KAT6A: variants seen among roughly 807,000 people sequenced by gnomAD.
KAT6A encodes histone acetyltransferase KAT6A.
KAT6A carries 9 observed loss-of-function variants against 198.4 expected under a neutral mutation model. That is an observed-to-expected ratio of 0.05 (90% CI 0.03 to 0.08). The LOEUF is 0.08. Ranked by LOEUF, KAT6A falls within the 10% of genes least tolerant of loss-of-function variation. The probability of loss-of-function intolerance (pLI) is 1.00; values close to 1 mark genes in which losing one functional copy is unlikely to be tolerated. For synonymous variants in KAT6A, 890 were observed against 883.0 expected (o/e 1.01, Z -0.14); for missense variants, 2,077 against 2,509.9 (o/e 0.83, Z 3.69).
At chr8:41,940,014 C>T (rs1822031181) in intron 15 of KAT6A, among the ~76,000 whole-genome samples, 1 of 152,176 alleles carries the variant, frequency 6.6e-6, no homozygotes, top group Admixed American at 6.5e-5. Context: ...AGATATTATT[C>T]TTAAAACAAA....
At chr8:42,036,546 G>A (rs1312078363) in intron 2 of KAT6A, among the ~76,000 whole-genome samples, 1 of 152,170 alleles carries the variant, frequency 6.6e-6, no homozygotes, top group Non-Finnish European at 1.5e-5. Context: ...CCAGGAGATG[G>A]AGGTTGCAGT....
rs1821540815 is a variant in KAT6A, at chr8:41,931,502, GAAC to G, written c.*700_*702del. 4.8e-6 allele frequency: 1 copy of G among 207,314 alleles called. No individual in the cohort carries two copies. Among genetic ancestry groups the G allele is most frequent in the Non-Finnish European group, 9.9e-6 (1 of 101,506 alleles). 12.8% of individuals were successfully genotyped at this position (207,314 alleles called of 1,614,324 possible). ...AAAAATTATATTACACTTGATTCAA[GAAC>G]AACAAAGATTTCAATGAAGTCCGTC... On this transcript the variant is annotated 3_prime_UTR_variant, in exon 17 of 17. Coordinates refer to ENST00000265713, the MANE Select transcript of KAT6A (RefSeq NM_006766.5).
chr8:41,984,195 T>C (rs61015851), intron 3 of KAT6A, among the ~76,000 whole-genome samples: 19,064 of 152,212 alleles, frequency 0.13, 1,531 homozygotes, highest in East Asian at 0.25. Context: ...GTCATACTCT[T>C]ACAACTCCCT....
intron 2 of KAT6A, among the ~76,000 whole-genome samples, chr8:42,002,046 CTCT>C (rs1825520967): frequency 6.6e-6 from 1 of 152,162 alleles, no homozygotes; most frequent in South Asian, 2.1e-4. Context: ...TTGCTTCCTC[CTCT>C]TAATAGCCAG....
intron 2 of KAT6A, among the ~76,000 whole-genome samples, chr8:42,036,009 C>T (rs1411124185): frequency 6.6e-6 from 1 of 152,082 alleles, no homozygotes; most frequent in Non-Finnish European, 1.5e-5. Flanking sequence ...ATGAGCCTTT[C>T]ACACTTCTTT....
intron 2 of KAT6A, among the ~76,000 whole-genome samples, chr8:42,004,176 T>C (rs2150904351): frequency 1.3e-5 from 2 of 152,312 alleles, no homozygotes; most frequent in African/African-American, 4.8e-5. Context: ...CTGGGTCTTA[T>C]GATCTAGTTG....
intron 2 of KAT6A, among the ~76,000 whole-genome samples, chr8:42,030,602 T>C (rs530463684): frequency 6.6e-6 from 1 of 152,142 alleles, no homozygotes; most frequent in Admixed American, 6.5e-5. Flanking sequence ...TTTTGTTCTG[T>C]CACCCAGGCT....
chr8:41,957,264 C>T (rs775417621), intron 8 of KAT6A: 5 of 566,068 alleles, frequency 8.8e-6, no homozygotes, highest in Admixed American at 1.9e-5. Context: ...CCTGCACATG[C>T]GCTCATGTGT....
intron 2 of KAT6A, among the ~76,000 whole-genome samples, chr8:42,035,606 G>A (rs568326688): frequency 1.6e-4 from 25 of 152,202 alleles, no homozygotes; most frequent in African/African-American, 6.0e-4. Flanking sequence ...GGAGGAAGGG[G>A]GAGACATCTA....
chr8:41,941,201 C>G lies in KAT6A; in HGVS notation c.2680G>C (p.Ala894Pro), dbSNP rs1207881024. ...SKLLLEETSS[A>P]PQEQYGECGE... ...CATTCTCCATATTGTTCCTGAGGAG[C>G]TGAAGACGTCTCTTCCAAGAGCAGT... Residue 894 changes from alanine to proline, a missense_variant, in exon 15 of 17, where the codon GCT becomes CCT. Coordinates refer to ENST00000265713, the MANE Select transcript of KAT6A (RefSeq NM_006766.5). 2.5e-6 allele frequency: 4 copies of G among 1,614,054 alleles called. No individual in the cohort carries two copies. The highest frequency in any genetic ancestry group is 2.2e-5 in the East Asian group (1 of 44,894).
At chr8:42,039,729 ATTAT>A (rs1190129250) in intron 2 of KAT6A, among the ~76,000 whole-genome samples, 2 of 151,922 alleles carry the variant, frequency 1.3e-5, no homozygotes. Context: ...TTGTATTATT[ATTAT>A]TAATTTTTGT....
rs1156837850 is a variant in KAT6A at position 41,994,337 on chromosome 8, C to T, written c.601-6774G>A. ...TAAATGCCACATGAACTACAAGGTA[C>T]TGTGTGATCTGTACTCCCCTGCTTT... On this transcript the variant is annotated intron_variant, in intron 2 of 16. Coordinates refer to ENST00000265713, the MANE Select transcript of KAT6A (RefSeq NM_006766.5). Among the ~76,000 whole-genome samples, 4 of 152,170 alleles carry T rather than the reference C, an allele frequency of 2.6e-5. 1 individual carries two copies. In the South Asian group the frequency reaches 8.3e-4, roughly 32 times the overall value.
chr8:41,940,385 ACT>A (rs1157039078), intron 15 of KAT6A, among the ~76,000 whole-genome samples: 1 of 152,170 alleles, frequency 6.6e-6, no homozygotes, highest in Admixed American at 6.5e-5. Context: ...GAGCTACTGT[ACT>A]CTGAGTACCC....
At chr8:42,010,404 G>A (rs1825968905) in intron 2 of KAT6A, among the ~76,000 whole-genome samples, 1 of 152,192 alleles carries the variant, frequency 6.6e-6, no homozygotes, top group Non-Finnish European at 1.5e-5. Flanking sequence ...TGAGAAAGTA[G>A]AAATTGGGTT....
intron 2 of KAT6A, among the ~76,000 whole-genome samples, chr8:42,043,908 C>T (rs1009285830): frequency 2.6e-5 from 4 of 151,688 alleles, no homozygotes; most frequent in Admixed American, 6.6e-5. Context: ...ACTGCTGGTA[C>T]TGTTATGTTA....
intron 8 of KAT6A, among the ~76,000 whole-genome samples, chr8:41,955,954 T>C (rs914810540): frequency 2.6e-5 from 4 of 152,220 alleles, no homozygotes; most frequent in South Asian, 4.1e-4. Context: ...TTTCATACTA[T>C]GCCTAAAATT....
At chr8:42,040,792 G>T (rs1827629276) in intron 2 of KAT6A, among the ~76,000 whole-genome samples, 1 of 149,670 alleles carries the variant, frequency 6.7e-6, no homozygotes, top group Non-Finnish European at 1.5e-5. Flanking sequence ...AATTGGTTTG[G>T]TATAGAACTT....
In KAT6A at chr8:41,937,557, G is replaced by C; in HGVS notation, c.3051C>G (p.Leu1017=). ...KPTLKRKKPF[L]HRRRRVRKRK... is the part of the protein sequence containing the mutation. ...GCTTTCGGACTCTCCTCCTTCGGTG[G>C]AGAAATGGTTTCTGTTTAATAGAGA... is the stretch of plus-strand genomic sequence containing the variant. Residue 1017 remains leucine (L), a synonymous_variant, in exon 16 of 17, where the codon CTC becomes CTG. Coordinates refer to ENST00000265713, the MANE Select transcript of KAT6A (RefSeq NM_006766.5). The C allele has an allele frequency of 1.9e-6, 3 of 1,609,018 alleles. No individual in the cohort carries two copies. Among genetic ancestry groups the C allele is most frequent in the Non-Finnish European group, 2.5e-6 (3 of 1,177,274 alleles).
intron 2 of KAT6A, among the ~76,000 whole-genome samples, chr8:42,001,000 G>C (rs1484597692): frequency 6.6e-6 from 1 of 152,156 alleles, no homozygotes; most frequent in Non-Finnish European, 1.5e-5. Context: ...TAAAACGTGA[G>C]GGAGGGAGAG....
Sources: allele counts gnomAD v4.1 joint callset (sites outside exome capture counted in the v4.1 genomes callset), GRCh38; gene constraint gnomAD v4.1.1; transcripts MANE v1.5; gene names NCBI Gene and HGNC (gene_info 2026-07-23, HGNC 2026-07-21).